The following C6 variants were observed in gnomAD, a reference collection of about 807,000 sequenced individuals.
C6 encodes the protein complement component C6.
In C6, 101 loss-of-function variants were observed where a neutral mutation model predicts 112.9. That is an observed-to-expected ratio of 0.89 (90% CI 0.76 to 1.06). C6 has a LOEUF of 1.06. C6 is among the 50% of genes least tolerant of loss of function. C6 has a pLI of 0.00. For synonymous variants in C6, 431 were observed against 384.1 expected, an observed-to-expected ratio of 1.12 and a Z score of -1.43; for missense variants, 1,202 against 1,104.6, an observed-to-expected ratio of 1.09 and a Z score of -1.25.
At chr5:41,256,033 G>T (rs1741674549) in intron 1 of C6, among the ~76,000 whole-genome samples, 1 of 152,126 alleles carries the variant, frequency 6.6e-6, no homozygotes. Flanking sequence ...GATGTAATTT[G>T]GGGTTAAGAG....
chr5:41,200,128 G>T (rs1320549733), intron 3 of C6, among the ~76,000 whole-genome samples: 1 of 152,082 alleles, frequency 6.6e-6, no homozygotes, highest in Non-Finnish European at 1.5e-5. Flanking sequence ...TGAGGAAGTG[G>T]GTTAAAAAGG....
At position 41,201,778 on chromosome 5, in the gene C6, C is replaced by CAA. The variant is rs1057374313; in HGVS notation, c.144-66_144-65dup. 12 of 1,379,722 alleles carry CAA rather than the reference C, an allele frequency of 8.7e-6. No homozygotes were observed. The African/African-American group carries it at 1.6e-4, about 18-fold the overall frequency. The allele number at this position is 1,379,722 out of a possible 1,614,324, so 85.5% of individuals were successfully genotyped here. A position where few individuals can be genotyped will look rare whatever the true frequency, so the allele number is the denominator to read the frequency against. ...TTCACCATATATCCTGCTCCATAATCAAAGTATCATTGAGCATTAACTACA... is the reference window on the plus strand; with the variant it reads ...TTCACCATATATCCTGCTCCATAATCAAAAAGTATCATTGAGCATTAACTACA... On this transcript the variant is annotated intron_variant, in intron 2 of 17. Coordinates refer to ENST00000337836, the MANE Select transcript of C6 (RefSeq NM_000065.5).
chr5:41,158,320 T>G (rs985025132), intron 13 of C6, among the ~76,000 whole-genome samples: 2 of 152,168 alleles, frequency 1.3e-5, no homozygotes, highest in Non-Finnish European at 2.9e-5. Context: ...GCCAGTCTAG[T>G]GTGTTTCTCT....
intron 9 of C6, among the ~76,000 whole-genome samples, chr5:41,171,036 T>C (rs1469670659): frequency 6.6e-6 from 1 of 152,144 alleles, no homozygotes; most frequent in East Asian, 1.9e-4. Context: ...ATAAAATGTG[T>C]AGAGTAGACT....
intron 7 of C6, among the ~76,000 whole-genome samples, chr5:41,180,937 G>C (rs1456881701): frequency 6.6e-6 from 1 of 151,390 alleles, no homozygotes; most frequent in African/African-American, 2.4e-5. Context: ...CATAAATGTA[G>C]CAAAATACAC....
intron 7 of C6, among the ~76,000 whole-genome samples, chr5:41,177,470 T>G (rs1276795737): frequency 6.6e-6 from 1 of 152,168 alleles, no homozygotes; most frequent in African/African-American, 2.4e-5. Context: ...GCCACTGAGG[T>G]TTATAAGTGT....
At chr5:41,258,837 C>A (rs1741873648) in intron 1 of C6, among the ~76,000 whole-genome samples, 1 of 152,100 alleles carries the variant, frequency 6.6e-6, no homozygotes, top group Non-Finnish European at 1.5e-5. Flanking sequence ...AGGGGAAATG[C>A]CAGACACTTA....
chr5:41,143,255 A>G (rs897819992), intron 17 of C6, among the ~76,000 whole-genome samples: 2 of 152,194 alleles, frequency 1.3e-5, no homozygotes, highest in African/African-American at 4.8e-5. Flanking sequence ...ATCTGTATAT[A>G]AGAGACTAGA....
intron 10 of C6, 145 bp from the exon 11 acceptor site, chr5:41,160,512 T>C: frequency 1.4e-6 from 1 of 699,604 alleles, no homozygotes; most frequent in South Asian, 1.6e-5. Context: ...ATTGCACCTG[T>C]TGAACCAGTA....
At chr5:41,239,374 A>T (rs1740553458) in intron 1 of C6, among the ~76,000 whole-genome samples, 3 of 151,856 alleles carry the variant, frequency 2.0e-5, no homozygotes, top group Admixed American at 1.3e-4. Flanking sequence ...GGCCTCCCAA[A>T]GTGCTGGGGT....
At chr5:41,188,813 C>T (rs1580148248) in intron 5 of C6, among the ~76,000 whole-genome samples, 1 of 151,564 alleles carries the variant, frequency 6.6e-6, no homozygotes, top group African/African-American at 2.4e-5. Flanking sequence ...TTAAAGGACA[C>T]CAACAAAAAA....
upstream of C6, among the ~76,000 whole-genome samples, chr5:41,217,579 T>C (rs895131826): frequency 2.0e-5 from 3 of 152,114 alleles, no homozygotes; most frequent in Non-Finnish European, 2.9e-5. Context: ...TATTTATGTG[T>C]TTGTTGAGTT....
At chr5:41,246,981 A>C (rs1215591947) in intron 1 of C6, among the ~76,000 whole-genome samples, 1 of 152,212 alleles carries the variant, frequency 6.6e-6, no homozygotes, top group African/African-American at 2.4e-5. Context: ...GACAGATATC[A>C]GTTAAGTATT....
chr5:41,198,617 G>A (rs780770372), intron 4 of C6, among the ~76,000 whole-genome samples: 52 of 152,120 alleles, frequency 3.4e-4, no homozygotes, highest in Non-Finnish European at 5.3e-4. Context: ...TGATGAACTG[G>A]CGATCAGCTG....
chr5:41,244,855 G>A (rs150019183), intron 1 of C6, among the ~76,000 whole-genome samples: 160 of 152,204 alleles, frequency 1.1e-3, no homozygotes, highest in Non-Finnish European at 1.7e-3. Context: ...TCATGAATGA[G>A]TTATGAATTA....
At position 41,160,271 on chromosome 5, in the gene C6, C is replaced by G. The variant is rs77363096; in HGVS notation, c.1555G>C (p.Asp519His). ...KALQEYAAKF[D>H]PCQCAPCPNN... ...GGGCATGGAGCACACTGGCAAGGAT[C>G]GAACTTGGCTGCATACTCTTGCAAA... is the stretch of plus-strand genomic sequence containing the variant. The change falls in exon 11 of 18, where the codon GAT becomes CAT. Residue 519 changes from aspartate to histidine, a missense_variant. Transcript: ENST00000337836. 10 of 1,613,728 alleles carry G rather than the reference C, an allele frequency of 6.2e-6. No homozygotes were observed. Among genetic ancestry groups the G allele is most frequent in the Non-Finnish European group, 8.5e-6 (10 of 1,179,872 alleles).
intron 7 of C6, among the ~76,000 whole-genome samples, chr5:41,179,014 C>A (rs146587856): frequency 6.6e-6 from 1 of 151,984 alleles, no homozygotes; most frequent in African/African-American, 2.4e-5. Context: ...CTGCCACGCC[C>A]GGCTAATTTT....
intron 1 of C6, among the ~76,000 whole-genome samples, chr5:41,238,763 G>A (rs1001403600): frequency 6.6e-6 from 1 of 152,082 alleles, no homozygotes; most frequent in East Asian, 1.9e-4. Context: ...AACCTGAAGG[G>A]CATAGATATT....
chr5:41,191,159 C>T (rs113520159), intron 5 of C6, among the ~76,000 whole-genome samples: 16,079 of 147,522 alleles, frequency 0.11, 851 homozygotes, highest in African/African-American at 0.14. Context: ...CTCCACCTCC[C>T]GGGTTCAAGC....
Sources: gnomAD v4.1 joint callset for allele counts (sites outside exome capture counted in the v4.1 genomes callset) on GRCh38, gnomAD v4.1.1 for gene constraint, MANE v1.5 for transcripts, NCBI Gene and HGNC (gene_info 2026-07-23, HGNC 2026-07-21) for gene names.